ADAM2: variants seen among roughly 807,000 people sequenced by gnomAD.
ADAM2 encodes the protein disintegrin and metalloproteinase domain-containing protein 2.
Under a neutral mutation model 99.3 loss-of-function variants are expected in ADAM2, and 101 were observed. The ratio of observed to expected loss-of-function variants is 1.02; its 90% CI spans 0.87 to 1.20. The LOEUF (loss-of-function observed/expected upper bound fraction) is 1.20. Ranked by LOEUF, ADAM2 falls within the 50% of genes most tolerant of loss-of-function variation. ADAM2 has a pLI of 0.00. For synonymous variants in ADAM2, 323 were observed against 287.6 expected, an observed-to-expected ratio of 1.12 and a Z score of -1.25; for missense variants, 948 against 878.7, an observed-to-expected ratio of 1.08 and a Z score of -1.00.
chr8:39,780,372 G>A (rs1563352860), intron 10 of ADAM2, among the ~76,000 whole-genome samples: 2 of 152,104 alleles, frequency 1.3e-5, no homozygotes, highest in Admixed American at 6.6e-5. Context: ...GAAGCTAGGA[G>A]TATATTAATA....
In ADAM2 at chr8:39,744,823, A is replaced by C; in HGVS notation, c.*30+7T>G. 10 of 1,558,502 alleles carry C rather than the reference A, an allele frequency of 6.4e-6. No homozygotes were observed. The highest frequency in any genetic ancestry group is 8.7e-6 in the Non-Finnish European group (10 of 1,150,128). ...AAATAAATTTTAAAAAAATGAAAGAAACTCACAGTGATATCATGGCATCTC... is the reference window on the plus strand; with the variant it reads ...AAATAAATTTTAAAAAAATGAAAGACACTCACAGTGATATCATGGCATCTC... On this transcript the variant is annotated splice_region_variant and intron_variant, in intron 20 of 20. Coordinates refer to ENST00000265708, the MANE Select transcript of ADAM2 (RefSeq NM_001464.5).
chr8:39,746,044 G>C (rs999569858), intron 19 of ADAM2, among the ~76,000 whole-genome samples: 1 of 151,042 alleles, frequency 6.6e-6, no homozygotes, highest in African/African-American at 2.4e-5. Context: ...TTTCTTTTTT[G>C]AGTCTCAGTC....
chr8:39,804,904 G>C (rs528613986), intron 7 of ADAM2, among the ~76,000 whole-genome samples: 1 of 152,190 alleles, frequency 6.6e-6, no homozygotes, highest in East Asian at 1.9e-4. Context: ...TCTACTCCTT[G>C]ATGAGATGTG....
intron 10 of ADAM2, among the ~76,000 whole-genome samples, chr8:39,780,572 C>A (rs1204252675): frequency 6.6e-6 from 1 of 152,080 alleles, no homozygotes; most frequent in Non-Finnish European, 1.5e-5. Context: ...AAAGTCAAGT[C>A]CAGAATATCA....
intron 7 of ADAM2, among the ~76,000 whole-genome samples, chr8:39,805,420 C>A (rs189000231): frequency 1.3e-5 from 2 of 152,194 alleles, no homozygotes; most frequent in East Asian, 3.9e-4. Flanking sequence ...TGTAGTGAGA[C>A]TCCTGAAATG....
intron 3 of ADAM2, among the ~76,000 whole-genome samples, chr8:39,831,509 G>T (rs534747068): frequency 1.3e-5 from 2 of 152,216 alleles, no homozygotes; most frequent in South Asian, 4.1e-4. Flanking sequence ...CTTGAAAATT[G>T]GGAGAAATCA....
Position 39,837,199 on chromosome 8 carries a change from T to C in ADAM2, c.69A>G (p.Leu23=). ...TCTCCGGAACTGTAATTTGCACAGG[T>C]AAACTATCAAAATCTGCAAAATGTG... The part of the protein sequence containing the change: ...GLRMDSNFDS[L]PVQITVPEKI... The change falls in exon 2 of 21, where the codon TTA becomes TTG. Residue 23 remains leucine, a synonymous_variant. Coordinates refer to ENST00000265708, the MANE Select transcript of ADAM2 (RefSeq NM_001464.5). 6.2e-7 allele frequency: 1 copy of C among 1,608,296 alleles called. No individual in the cohort carries two copies. The highest frequency in any genetic ancestry group is 1.1e-5 in the South Asian group (1 of 89,898).
rs1230546152 is a variant in ADAM2, at chr8:39,838,190, T to G, written c.-5A>C. The G allele has an allele frequency of 6.2e-7, 1 of 1,614,044 alleles. No individual in the cohort carries two copies. Among genetic ancestry groups the G allele is most frequent in the Admixed American group, 1.7e-5 (1 of 60,008 alleles). On this transcript the variant is annotated 5_prime_UTR_variant, in exon 1 of 21. Coordinates refer to ENST00000265708, the MANE Select transcript of ADAM2 (RefSeq NM_001464.5). ...CAGAAACAAGACGCGCCACATGGCT[T>G]GAAGTCCTGGGTCCCAGCCGGAATA... is the stretch of plus-strand genomic sequence containing the variant.
At chr8:39,772,118 A>AG (rs1802807930) in intron 11 of ADAM2, among the ~76,000 whole-genome samples, 2 of 151,650 alleles carry the variant, frequency 1.3e-5, no homozygotes, top group African/African-American at 4.8e-5. Context: ...GTAAAAAAAA[A>AG]AAAAAAGAAA....
intron 14 of ADAM2, among the ~76,000 whole-genome samples, chr8:39,764,825 C>G (rs1006600287): frequency 1.3e-5 from 2 of 152,070 alleles, no homozygotes; most frequent in African/African-American, 4.8e-5. Flanking sequence ...ACCAGCCTGG[C>G]CAACATGGCA....
At chr8:39,760,041 A>G (rs1802289036) in intron 15 of ADAM2, among the ~76,000 whole-genome samples, 1 of 151,848 alleles carries the variant, frequency 6.6e-6, no homozygotes, top group Admixed American at 6.6e-5. Context: ...TAATTTTTGA[A>G]TTTTTAGTAG....
chr8:39,789,872 G>A (rs1318354461), intron 7 of ADAM2, among the ~76,000 whole-genome samples: 1 of 151,466 alleles, frequency 6.6e-6, no homozygotes, highest in East Asian at 1.9e-4. Context: ...TAAAACATGT[G>A]CAAATAATGT....
intron 7 of ADAM2, among the ~76,000 whole-genome samples, chr8:39,796,890 TG>T (rs1490206875): frequency 7.2e-5 from 11 of 152,284 alleles, no homozygotes; most frequent in East Asian, 1.9e-4. Flanking sequence ...TTGATGGGGT[TG>T]TTTTTTTTCT....
intron 17 of ADAM2, 80 bp downstream of exon 17, chr8:39,749,587 G>C: frequency 2.2e-6 from 1 of 447,156 alleles, no homozygotes; most frequent in Non-Finnish European, 3.0e-6. Context: ...GTGTGTGTGC[G>C]TGTGTGTGTG....
At position 39,838,049 on chromosome 8, in the gene ADAM2, A is replaced by C. The variant is rs1805910818; in HGVS notation, c.55+82T>G. On this transcript the variant is annotated intron_variant, in intron 1 of 20. Coordinates refer to ENST00000265708, the MANE Select transcript of ADAM2 (RefSeq NM_001464.5). ...AAACCCCTCAGGAAAGCATCCTCCCAGGGATGTCAATGTAACTTGGAGGCA... is the reference window on the plus strand; with the variant it reads ...AAACCCCTCAGGAAAGCATCCTCCCCGGGATGTCAATGTAACTTGGAGGCA... 3 of 1,467,622 alleles carry C rather than the reference A, an allele frequency of 2.0e-6. No individual in the cohort carries two copies. In the Admixed American group the frequency reaches 5.1e-5, roughly 25 times the overall value. The allele number at this position is 1,467,622 out of a possible 1,614,324, so 90.9% of individuals were successfully genotyped here.
At chr8:39,764,007 A>G (rs1802469098) in intron 14 of ADAM2, among the ~76,000 whole-genome samples, 1 of 152,210 alleles carries the variant, frequency 6.6e-6, no homozygotes, top group Non-Finnish European at 1.5e-5. Flanking sequence ...GCTGTTTTTC[A>G]GTTGCCATCG....
chr8:39,749,901 T>G (rs549618120), intron 16 of ADAM2, among the ~76,000 whole-genome samples, 157 bp from the exon 17 acceptor site: 73 of 152,258 alleles, frequency 4.8e-4, no homozygotes, highest in African/African-American at 1.7e-3. Flanking sequence ...AGTTAATGTA[T>G]TGAGCTACTA....
At chr8:39,834,490 T>C (rs1403152121) in intron 2 of ADAM2, among the ~76,000 whole-genome samples, 1 of 152,072 alleles carries the variant, frequency 6.6e-6, no homozygotes, top group Non-Finnish European at 1.5e-5. Context: ...ATCCCAGCAC[T>C]TTGGGAAGCC....
chr8:39,793,067 T>C (rs891199427), intron 7 of ADAM2, among the ~76,000 whole-genome samples: 8 of 152,064 alleles, frequency 5.3e-5, no homozygotes, highest in East Asian at 1.9e-4. Context: ...ACTAAAATCA[T>C]AGAAACTCTT....
Sources: gnomAD v4.1 joint callset for allele counts (sites outside exome capture counted in the v4.1 genomes callset) on GRCh38, gnomAD v4.1.1 for gene constraint, MANE v1.5 for transcripts, NCBI Gene and HGNC (gene_info 2026-07-23, HGNC 2026-07-21) for gene names.